Variants in OR2C1 observed in about 807,000 individuals in gnomAD.
OR2C1 encodes the protein olfactory receptor family 2 subfamily C member 1.
For missense variants in OR2C1, 468 were observed against 388.3 expected (o/e 1.21, Z -1.73); for synonymous variants, 209 against 167.3 (o/e 1.25, Z -1.92).
chr16:3,352,693 C>G (rs1271976311), upstream of OR2C1, among the ~76,000 whole-genome samples: 35 of 150,926 alleles, frequency 2.3e-4, no homozygotes. Flanking sequence ...GACCAAACAA[C>G]TTTGGAAGAA....
In OR2C1 at chr16:3,356,340, G is replaced by A. The variant is rs147461021; in HGVS notation, c.400G>A (p.Ala134Thr). The change falls in exon 1 of 1, where the codon GCC becomes ACC. Residue 134 changes from alanine (A) to threonine (T), a missense_variant. Physicochemically the swap from Ala to Thr is moderately conservative, Grantham distance 58. Coordinates refer to ENST00000304936, the MANE Select transcript of OR2C1 (RefSeq NM_012368.3). ...AGTGTGCCGGCCCCTCCGCTACACCGCCATCATGAACCCCCAGCTCTGCTG... is the reference window on the plus strand; with the variant it reads ...AGTGTGCCGGCCCCTCCGCTACACCACCATCATGAACCCCCAGCTCTGCTG... ...VAVCRPLRYT[A>T]IMNPQLCWLL... 4.2e-5 allele frequency: 67 copies of A among 1,613,132 alleles called. No individual in the cohort carries two copies. Among genetic ancestry groups the A allele is most frequent in the African/African-American group, 2.0e-4 (15 of 74,904 alleles).
chr16:3,330,840 CAA>C, the OR2C1 span, among the ~76,000 whole-genome samples: 2 of 152,156 alleles, frequency 1.3e-5, no homozygotes, highest in East Asian at 1.9e-4. Flanking sequence ...TTCCTGGGCT[CAA>C]GAGATCATCC....
chr16:3,352,404 C>A (rs535429539), upstream of OR2C1, among the ~76,000 whole-genome samples: 5 of 152,056 alleles, frequency 3.3e-5, no homozygotes, highest in Non-Finnish European at 7.4e-5. Context: ...CGCGAGCCAC[C>A]ATGCCTGGCC....
chr16:3,325,219 C>T, the OR2C1 span, among the ~76,000 whole-genome samples: 3 of 151,822 alleles, frequency 2.0e-5, no homozygotes, highest in East Asian at 1.9e-4. Context: ...TGGCCTCAAC[C>T]GATTAGCCAC....
At chr16:3,326,430 T>A in the OR2C1 span, among the ~76,000 whole-genome samples, 18 of 152,244 alleles carry the variant, frequency 1.2e-4, no homozygotes, top group African/African-American at 4.3e-4. Flanking sequence ...AGGTCCCTGA[T>A]CTCTGACCAC....
the OR2C1 span, among the ~76,000 whole-genome samples, chr16:3,329,600 C>A: frequency 6.6e-6 from 1 of 151,658 alleles, no homozygotes; most frequent in African/African-American, 2.4e-5. Context: ...CAGATGCCCG[C>A]CACCACACCC....
chr16:3,343,384 G>A, the OR2C1 span, among the ~76,000 whole-genome samples: 1,659 of 152,246 alleles, frequency 0.011, 24 homozygotes, highest in African/African-American at 0.037. Flanking sequence ...ATGAGCCACC[G>A]TGTCTAGCCT....
At chr16:3,331,471 G>A in the OR2C1 span, among the ~76,000 whole-genome samples, 2 of 151,224 alleles carry the variant, frequency 1.3e-5, no homozygotes, top group Non-Finnish European at 2.9e-5. Context: ...CCATGCCTAT[G>A]TCCTGAATGG....
chr16:3,342,645 T>C, the OR2C1 span, among the ~76,000 whole-genome samples: 1 of 152,052 alleles, frequency 6.6e-6, no homozygotes. Context: ...TTTGAGAGGC[T>C]GAGGTGGGTG....
the OR2C1 span, among the ~76,000 whole-genome samples, chr16:3,338,125 C>T: frequency 2.6e-5 from 4 of 152,152 alleles, no homozygotes; most frequent in Non-Finnish European, 1.5e-5. Context: ...AGGTTTGGGT[C>T]CAGAGCACCC....
the OR2C1 span, among the ~76,000 whole-genome samples, chr16:3,330,121 T>C: frequency 6.6e-6 from 1 of 151,410 alleles, no homozygotes; most frequent in African/African-American, 2.4e-5. Flanking sequence ...GTTTGTTTTG[T>C]TTTGAGATGG....
the OR2C1 span, among the ~76,000 whole-genome samples, chr16:3,338,265 C>T: frequency 1.3e-5 from 2 of 152,162 alleles, no homozygotes; most frequent in African/African-American, 4.8e-5. Context: ...TTGACTCTGA[C>T]ATTTCTCAGG....
the OR2C1 span, among the ~76,000 whole-genome samples, chr16:3,346,588 G>C: frequency 6.8e-6 from 1 of 147,444 alleles, no homozygotes; most frequent in Non-Finnish European, 1.5e-5. Flanking sequence ...TAAACTCTTT[G>C]TCACTTAAAA....
At chr16:3,353,892 G>GAA (rs2030613547), upstream of OR2C1, among the ~76,000 whole-genome samples, 1 of 151,208 alleles carries the variant, frequency 6.6e-6, no homozygotes, top group African/African-American at 2.5e-5. Flanking sequence ...GCCAAGGAAA[G>GAA]GGGATGGTGA....
At chr16:3,347,608 A>G in the OR2C1 span, among the ~76,000 whole-genome samples, 2 of 152,102 alleles carry the variant, frequency 1.3e-5, no homozygotes, top group South Asian at 2.1e-4. Flanking sequence ...AGACAAACAA[A>G]TATGTACATA....
the OR2C1 span, among the ~76,000 whole-genome samples, chr16:3,347,617 T>C: frequency 6.6e-6 from 1 of 152,036 alleles, no homozygotes; most frequent in Non-Finnish European, 1.5e-5. Context: ...AATATGTACA[T>C]ATATGTTGTT....
the OR2C1 span, among the ~76,000 whole-genome samples, chr16:3,332,577 C>G: frequency 6.6e-6 from 1 of 152,174 alleles, no homozygotes; most frequent in South Asian, 2.1e-4. Flanking sequence ...TTATCAGCAC[C>G]CACATGTGAG....
chr16:3,334,179 C>G, the OR2C1 span, among the ~76,000 whole-genome samples: 1 of 151,324 alleles, frequency 6.6e-6, no homozygotes, highest in South Asian at 2.1e-4. Flanking sequence ...CACTCTCTCC[C>G]CAGGCTGAAG....
At chr16:3,323,309 A>G in the OR2C1 span, 3 of 1,037,622 alleles carry the variant, frequency 2.9e-6, no homozygotes, top group Non-Finnish European at 3.0e-6. Context: ...GGAAAGGGCA[A>G]AAGAACCATG....
Sources: allele counts gnomAD v4.1 joint callset (sites outside exome capture counted in the v4.1 genomes callset), GRCh38; gene constraint gnomAD v4.1.1; transcripts MANE v1.5; gene names NCBI Gene and HGNC (gene_info 2026-07-23, HGNC 2026-07-21).